ENTHD1: variants seen among roughly 807,000 people sequenced by gnomAD.
The protein encoded by ENTHD1 is ENTH domain-containing protein 1.
In ENTHD1, 23 loss-of-function variants were observed where a neutral mutation model predicts 39.1. That is an observed-to-expected ratio of 0.59 (90% CI 0.42 to 0.83). The LOEUF is 0.83. Ranked by LOEUF, ENTHD1 falls within the 40% of genes least tolerant of loss-of-function variation. The pLI, the probability that ENTHD1 is intolerant of heterozygous loss-of-function variation, is 0.00. For synonymous variants in ENTHD1, 230 were observed against 258.2 expected (o/e 0.89, Z 1.05); for missense variants, 624 against 705.4 (o/e 0.88, Z 1.31).
rs1240267677 is a variant in ENTHD1 at position 39,743,455 on chromosome 22, A to G, written c.*224T>C. The stretch of plus-strand genomic sequence containing the variant: ...TGAAATTCTCTTCTGTTTCAAATGA[A>G]CTAATATCTAAATCTGAAATTATCA... On this transcript the variant is annotated 3_prime_UTR_variant, in exon 7 of 7. Transcript: ENST00000325157. 6.4e-6 allele frequency: 3 copies of G among 471,428 alleles called. No individual in the cohort carries two copies. The highest frequency in any genetic ancestry group is 1.1e-5 in the Non-Finnish European group (3 of 275,922). 29.2% of individuals were successfully genotyped at this position (471,428 alleles called of 1,614,324 possible).
intron 3 of ENTHD1, among the ~76,000 whole-genome samples, chr22:39,849,817 A>G (rs774354656): frequency 4.6e-5 from 7 of 152,264 alleles, no homozygotes; most frequent in Middle Eastern, 3.4e-3. Flanking sequence ...TGAAAATCCT[A>G]TCGTTTACAA....
chr22:39,775,987 G>T (rs1489859139), intron 5 of ENTHD1, among the ~76,000 whole-genome samples: 1 of 152,046 alleles, frequency 6.6e-6, no homozygotes. Context: ...AGCCTGGCCT[G>T]CCCAGGCTCC....
chr22:39,884,520 C>T lies in ENTHD1; in HGVS notation c.349+2880G>A, dbSNP rs147420582. Among the ~76,000 whole-genome samples the T allele has an allele frequency of 2.6e-5, 4 of 151,004 alleles. No individual in the cohort carries two copies. In the East Asian group the frequency reaches 7.8e-4, roughly 29 times the overall value. ...ACAAAATTCGTAAGCTGGTACTAAA[C>T]TTCAAATGAAAATGCAAGAGACTCA... is the stretch of plus-strand genomic sequence containing the variant. On this transcript the variant is annotated intron_variant, in intron 2 of 6. Coordinates refer to ENST00000325157, the MANE Select transcript of ENTHD1 (RefSeq NM_152512.4).
chr22:39,772,396 A>G (rs563870867), intron 5 of ENTHD1, among the ~76,000 whole-genome samples: 1 of 152,294 alleles, frequency 6.6e-6, no homozygotes, highest in Non-Finnish European at 1.5e-5. Flanking sequence ...CCCCTGGACT[A>G]TAGCATAAAT....
chr22:39,821,087 A>T lies in ENTHD1; in HGVS notation c.738T>A (p.Asp246Glu), dbSNP rs747420037. The change falls in exon 5 of 7, where the codon GAT (aspartate) becomes GAA (glutamate). Residue 246 changes from aspartate to glutamate, a missense_variant. Transcript: ENST00000325157. Reference protein sequence around the residue: ...TEDLMTFLDDDPELPLLATPP... With the variant: ...TEDLMTFLDDEPELPLLATPP... ...GTGTTGCTAGTAAAGGCAGCTCTGG[A>T]TCATCATCCAAAAATGTCATCAGGT... 2 of 1,614,122 alleles carry T rather than the reference A, an allele frequency of 1.2e-6. No homozygotes were observed. Among genetic ancestry groups the T allele is most frequent in the South Asian group, 2.2e-5 (2 of 91,076 alleles).
chr22:39,780,136 G>A (rs569660237), intron 5 of ENTHD1, among the ~76,000 whole-genome samples: 1 of 152,166 alleles, frequency 6.6e-6, no homozygotes, highest in Admixed American at 6.5e-5. Flanking sequence ...GACTTTGGGA[G>A]GCCAAGGCAG....
chr22:39,840,005 A>G (rs762969233), intron 3 of ENTHD1, among the ~76,000 whole-genome samples: 1 of 152,240 alleles, frequency 6.6e-6, no homozygotes, highest in Non-Finnish European at 1.5e-5. Flanking sequence ...TTTCAGTATC[A>G]GATAGCATAA....
intron 5 of ENTHD1, among the ~76,000 whole-genome samples, chr22:39,814,524 G>T (rs1033784990): frequency 2.5e-4 from 38 of 152,104 alleles, no homozygotes; most frequent in Admixed American, 1.8e-3. Context: ...TTATTACAAA[G>T]GTGGCGTGAT....
At chr22:39,885,553 C>T (rs893405047) in intron 2 of ENTHD1, among the ~76,000 whole-genome samples, 4 of 152,118 alleles carry the variant, frequency 2.6e-5, no homozygotes, top group African/African-American at 9.7e-5. Context: ...CTCCCATGTT[C>T]AGTGCAATAG....
At chr22:39,800,477 C>T (rs1450005212) in intron 5 of ENTHD1, among the ~76,000 whole-genome samples, 1 of 152,228 alleles carries the variant, frequency 6.6e-6, no homozygotes, top group Non-Finnish European at 1.5e-5. Context: ...CTAACCTACA[C>T]ATGCTTTCTT....
intron 3 of ENTHD1, among the ~76,000 whole-genome samples, chr22:39,848,752 T>G (rs1226697628): frequency 6.6e-6 from 1 of 152,168 alleles, no homozygotes; most frequent in Non-Finnish European, 1.5e-5. Context: ...AATGTCAAAT[T>G]CATAAACACT....
chr22:39,833,851 G>C (rs2065888329), intron 4 of ENTHD1, among the ~76,000 whole-genome samples: 1 of 145,632 alleles, frequency 6.9e-6, no homozygotes, highest in African/African-American at 2.6e-5. Flanking sequence ...GGGTGAGAAA[G>C]AGGAAAGAAA....
intron 3 of ENTHD1, among the ~76,000 whole-genome samples, chr22:39,854,632 T>C (rs917373587): frequency 6.6e-6 from 1 of 151,974 alleles, no homozygotes; most frequent in Non-Finnish European, 1.5e-5. Context: ...TCCTTCAAAC[T>C]TCAAAAGCAT....
chr22:39,816,636 C>T lies in ENTHD1; in HGVS notation c.832+4357G>A, dbSNP rs567898702. Among the ~76,000 whole-genome samples, 61 of 152,192 alleles carry T rather than the reference C, an allele frequency of 4.0e-4. 1 individual carries two copies. The South Asian group carries it at 0.012, about 30-fold the overall frequency. The stretch of plus-strand genomic sequence containing the variant: ...ACAACTGGCTGCCCATTGCCCTTAT[C>T]TAAAACCATTCGCAAATACTTTAAA... On this transcript the variant is annotated intron_variant, in intron 5 of 6. Transcript: ENST00000325157.
intron 5 of ENTHD1, among the ~76,000 whole-genome samples, chr22:39,793,825 T>C (rs758319080): frequency 6.6e-6 from 1 of 152,212 alleles, no homozygotes; most frequent in Non-Finnish European, 1.5e-5. Flanking sequence ...TATGTGTCTG[T>C]TTTTATACCA....
intron 6 of ENTHD1, chr22:39,751,270 G>T: frequency 6.5e-6 from 1 of 154,396 alleles, no homozygotes; most frequent in South Asian, 1.9e-4. Context: ...AAAGGCTGTT[G>T]ACCAAGGTAT....
Position 39,865,816 on chromosome 22 carries a change from C to T in ENTHD1, c.350-3809G>A, listed in dbSNP as rs1352722233. On this transcript the variant is annotated intron_variant, in intron 2 of 6. Coordinates refer to ENST00000325157, the MANE Select transcript of ENTHD1 (RefSeq NM_152512.4). The stretch of plus-strand genomic sequence containing the variant: ...CCATTTGAACTGGGTAATGCAAAAG[C>T]TAGGGAAAACCAGGGGTTGCAACTG... Among the ~76,000 whole-genome samples the T allele has an allele frequency of 2.0e-5, 3 of 152,230 alleles. No individual in the cohort carries two copies. The East Asian group carries it at 5.8e-4, about 29-fold the overall frequency.
Position 39,767,531 on chromosome 22 carries a change from T to C in ENTHD1, c.833-1922A>G, listed in dbSNP as rs1392555401. Among the ~76,000 whole-genome samples the C allele has an allele frequency of 2.0e-5, 3 of 152,172 alleles. No homozygotes were observed. In the East Asian group the frequency reaches 5.8e-4, roughly 29 times the overall value. On this transcript the variant is annotated intron_variant, in intron 5 of 6. Transcript: ENST00000325157. ...CTAGTTGAGTACTAGATTACTAGAT[T>C]TATGGTATTTCAAAGTGACTTTGCA...
In ENTHD1 at chr22:39,743,811, T is replaced by G; in HGVS notation, c.1692A>C (p.Glu564Asp). Residue 564 changes from glutamate (E) to aspartate (D), a missense_variant, in exon 7 of 7, where the codon GAA (glutamate) becomes GAC (aspartate). By Grantham distance (45) the Glu-to-Asp change is conservative. Coordinates refer to ENST00000325157, the MANE Select transcript of ENTHD1 (RefSeq NM_152512.4). Reference sequence around the variant, plus strand: ...GTTCTTGGATCACTGTGCTCAGATCTTCATGTAATCTAGCGATCGCACGTT... The same window carrying G: ...GTTCTTGGATCACTGTGCTCAGATCGTCATGTAATCTAGCGATCGCACGTT... The part of the protein sequence containing the change: ...EVKRAIARLH[E>D]DLSTVIQELN... 1 of 1,614,162 alleles carries G rather than the reference T, an allele frequency of 6.2e-7. No homozygotes were observed. The highest frequency in any genetic ancestry group is 8.5e-7 in the Non-Finnish European group (1 of 1,180,014).
Sources: allele counts gnomAD v4.1 joint callset (sites outside exome capture counted in the v4.1 genomes callset), GRCh38; gene constraint gnomAD v4.1.1; transcripts MANE v1.5; gene names NCBI Gene and HGNC (gene_info 2026-07-23, HGNC 2026-07-21).